KIF5C: variants seen among roughly 807,000 people sequenced by gnomAD.
KIF5C encodes the protein kinesin heavy chain isoform 5C.
A neutral mutation model predicts 125.2 loss-of-function variants in KIF5C; 18 were observed. That is an observed-to-expected ratio of 0.14 (90% CI 0.10 to 0.21). The LOEUF is 0.21. Ranked by LOEUF, KIF5C falls within the 10% of genes least tolerant of loss-of-function variation. The pLI is 1.00. For missense variants in KIF5C, 780 were observed against 1,183.8 expected (o/e 0.66, Z 5.01); for synonymous variants, 405 against 434.0 (o/e 0.93, Z 0.83).
At chr2:149,011,467 G>C (rs1404308600) in intron 24 of KIF5C, 103 bp from the exon 25 acceptor site, 9 of 1,468,720 alleles carry the variant, frequency 6.1e-6, no homozygotes, top group South Asian at 1.3e-5. Context: ...CTGTTGGTAA[G>C]AATTGTGACT....
intron 1 of KIF5C, among the ~76,000 whole-genome samples, chr2:148,900,979 CA>C (rs57033776): frequency 0.012 from 1,858 of 152,128 alleles, 35 homozygotes; most frequent in African/African-American, 0.043. Context: ...TCATAAAATA[CA>C]AAAAACCCCA....
chr2:148,939,758 A>G (rs116019688), intron 4 of KIF5C, among the ~76,000 whole-genome samples: 210 of 152,322 alleles, frequency 1.4e-3, no homozygotes, highest in Non-Finnish European at 2.6e-3. Context: ...GAAAAAGAGG[A>G]CTGACTAAGG....
intron 3 of KIF5C, among the ~76,000 whole-genome samples, chr2:148,930,451 C>T (rs556806652): frequency 1.3e-5 from 2 of 152,170 alleles, no homozygotes; most frequent in African/African-American, 4.8e-5. Flanking sequence ...TAAGAAACTG[C>T]ACAGAGGAAG....
chr2:148,942,919 G>A (rs1682440907), intron 7 of KIF5C, among the ~76,000 whole-genome samples, 159 bp downstream of exon 7: 1 of 152,178 alleles, frequency 6.6e-6, no homozygotes, highest in Admixed American at 6.5e-5. Flanking sequence ...TGTGCTATGA[G>A]TATGTCTAGG....
In KIF5C at chr2:149,023,592, A is replaced by G. The variant is rs1488489661; in HGVS notation, c.*522A>G. On this transcript the variant is annotated 3_prime_UTR_variant, in exon 26 of 26. Transcript: ENST00000435030. ...TTCCGAAACAAATTACCCCAAAGAC[A>G]CATTTTGAATATCCTGGTCACATCT... 1.3e-5 allele frequency: 2 copies of G among 152,636 alleles called. No homozygotes were observed. The highest frequency in any genetic ancestry group is 3.8e-4 in the East Asian group (2 of 5,202). The allele number at this position is 152,636 out of a possible 1,614,324, so 9.5% of individuals were successfully genotyped here.
At chr2:148,987,288 A>C (rs184249384) in intron 15 of KIF5C, among the ~76,000 whole-genome samples, 2 of 152,328 alleles carry the variant, frequency 1.3e-5, no homozygotes, top group East Asian at 3.9e-4. Flanking sequence ...TTGGAGACTT[A>C]ACATTTAAAT....
At chr2:148,901,278 T>C (rs1680893997) in intron 1 of KIF5C, among the ~76,000 whole-genome samples, 1 of 152,180 alleles carries the variant, frequency 6.6e-6, no homozygotes, top group African/African-American at 2.4e-5. Context: ...CAGGTATATA[T>C]AACCTGCCAC....
At chr2:148,880,801 T>C (rs776065995) in intron 1 of KIF5C, among the ~76,000 whole-genome samples, 1 of 152,156 alleles carries the variant, frequency 6.6e-6, no homozygotes, top group Non-Finnish European at 1.5e-5. Flanking sequence ...AATCATGGAC[T>C]GAGGGAACAT....
intron 12 of KIF5C, among the ~76,000 whole-genome samples, chr2:148,973,762 C>T (rs1054938222): frequency 6.6e-6 from 1 of 152,092 alleles, no homozygotes; most frequent in Non-Finnish European, 1.5e-5. Context: ...AGAGTCTTGT[C>T]TTCTAGAAAT....
chr2:148,992,643 T>G (rs1286732364), intron 16 of KIF5C, among the ~76,000 whole-genome samples: 2 of 152,166 alleles, frequency 1.3e-5, no homozygotes, highest in Non-Finnish European at 2.9e-5. Flanking sequence ...TAAGTGAAAA[T>G]GAAAATGCTG....
intron 6 of KIF5C, 122 bp downstream of exon 6, chr2:148,942,112 T>C: frequency 9.4e-7 from 1 of 1,060,698 alleles, no homozygotes; most frequent in Non-Finnish European, 1.3e-6. Context: ...TTCAGGCTCC[T>C]TATATTTAAT....
Position 148,875,561 on chromosome 2 carries a change from C to G in KIF5C, c.-57C>G. 1.6e-6 allele frequency: 2 copies of G among 1,277,872 alleles called. No homozygotes were observed. Among genetic ancestry groups the G allele is most frequent in the Non-Finnish European group, 1.1e-6 (1 of 902,732 alleles). 79.2% of individuals were successfully genotyped at this position (1,277,872 alleles called of 1,614,324 possible). A position where few individuals can be genotyped will look rare whatever the true frequency, so the allele number is the denominator to read the frequency against. Reference sequence around the variant, plus strand: ...TGCAGCTCGCGGCCTCCTCCCTCGTCGTTCCCGGCCCCGGCCCCCCACCCA... The same window carrying G: ...TGCAGCTCGCGGCCTCCTCCCTCGTGGTTCCCGGCCCCGGCCCCCCACCCA... On this transcript the variant is annotated 5_prime_UTR_variant, in exon 1 of 26. Transcript: ENST00000435030.
intron 3 of KIF5C, among the ~76,000 whole-genome samples, chr2:148,934,554 TAC>T (rs146996473): frequency 0.021 from 2,990 of 142,824 alleles, 90 homozygotes; most frequent in African/African-American, 0.066. Flanking sequence ...CACACACGCA[TAC>T]ACACACACAC....
intron 3 of KIF5C, among the ~76,000 whole-genome samples, chr2:148,930,175 T>C (rs957283154): frequency 4.6e-5 from 7 of 152,204 alleles, no homozygotes; most frequent in Non-Finnish European, 1.0e-4. Flanking sequence ...ATATTTGGCA[T>C]CCTTCCTTAT....
intron 1 of KIF5C, among the ~76,000 whole-genome samples, chr2:148,899,156 G>GTTC (rs1680783706): frequency 6.6e-6 from 1 of 152,054 alleles, no homozygotes; most frequent in Non-Finnish European, 1.5e-5. Context: ...AGCCTATATA[G>GTTC]TTCTTTCGTC....
In KIF5C at chr2:148,875,582, A is replaced by AAC; in HGVS notation, c.-36_-35insAC. The stretch of plus-strand genomic sequence containing the variant: ...TCGTCGTTCCCGGCCCCGGCCCCCC[A>AAC]CCCATCCCCGTGCCCCCTCCCTACC... On this transcript the variant is annotated 5_prime_UTR_variant, in exon 1 of 26. Coordinates refer to ENST00000435030, the MANE Select transcript of KIF5C (RefSeq NM_004522.3). 5 of 277,676 alleles carry AAC rather than the reference A, an allele frequency of 1.8e-5. No individual in the cohort carries two copies. The Admixed American group carries it at 2.1e-4, about 12-fold the overall frequency. 17.2% of individuals were successfully genotyped at this position (277,676 alleles called of 1,614,324 possible). A position where few individuals can be genotyped will look rare whatever the true frequency, so the allele number is the denominator to read the frequency against.
intron 8 of KIF5C, among the ~76,000 whole-genome samples, chr2:148,948,284 G>A (rs541607896): frequency 1.1e-4 from 17 of 151,736 alleles, no homozygotes; most frequent in African/African-American, 4.1e-4. Flanking sequence ...GTGAACCCGG[G>A]AGGCGGAGCT....
intron 7 of KIF5C, among the ~76,000 whole-genome samples, chr2:148,946,292 CTCTG>C (rs1392763828): frequency 5.3e-5 from 8 of 152,100 alleles, no homozygotes; most frequent in Non-Finnish European, 8.8e-5. Flanking sequence ...TTGCTGGGGT[CTCTG>C]TCTGCTTGGC....
chr2:148,876,558 T>A lies in KIF5C; in HGVS notation c.126+815T>A, dbSNP rs1208497544. Among the ~76,000 whole-genome samples the A allele has an allele frequency of 1.3e-5, 2 of 152,168 alleles. No individual in the cohort carries two copies. The highest frequency in any genetic ancestry group is 2.9e-5 in the Non-Finnish European group (2 of 68,008). On this transcript the variant is annotated intron_variant, in intron 1 of 25. Transcript: ENST00000435030. This position sits in a 1 kb window ranked among gnomAD's most constrained non-coding sequence, Gnocchi z 4.7. ...AGCCCCCTGTGCCAAGAGCAGAAGT[T>A]ACTTCGTGCGGCTCGGACCCCCCTC...
Sources: allele counts gnomAD v4.1 joint callset (sites outside exome capture counted in the v4.1 genomes callset), GRCh38; gene constraint gnomAD v4.1.1; non-coding constraint Gnocchi (gnomAD v3.1); transcripts MANE v1.5; gene names NCBI Gene and HGNC (gene_info 2026-07-23, HGNC 2026-07-21).